The following ITPR1 variants were observed in gnomAD, a reference collection of about 807,000 sequenced individuals.
The protein encoded by ITPR1 is inositol 1,4,5-trisphosphate receptor type 1, also known as inositol 1,4,5-trisphosphate-gated calcium channel ITPR1.
A neutral mutation model predicts 318.4 loss-of-function variants in ITPR1; 96 were observed. That is an observed-to-expected ratio of 0.30 (90% CI 0.26 to 0.36). The LOEUF (loss-of-function observed/expected upper bound fraction) is 0.36, where lower values mean the gene tolerates loss of function less well. Ranked by LOEUF, ITPR1 falls within the 10% of genes least tolerant of loss-of-function variation. The pLI is 1.00. For synonymous variants in ITPR1, 1,312 were observed against 1,289.9 expected (o/e 1.02, Z -0.37); for missense variants, 2,440 against 3,460.2 (o/e 0.71, Z 7.40).
intron 10 of ITPR1, among the ~76,000 whole-genome samples, chr3:4,648,435 A>G (rs1368947012): frequency 1.3e-5 from 2 of 152,222 alleles, no homozygotes; most frequent in East Asian, 3.9e-4. Flanking sequence ...TTTAACATCT[A>G]TAAAAAGGTT....
At chr3:4,738,101 C>T (rs575883320) in intron 44 of ITPR1, among the ~76,000 whole-genome samples, 1 of 152,132 alleles carries the variant, frequency 6.6e-6, no homozygotes, top group Non-Finnish European at 1.5e-5. Context: ...GGAAAAATAA[C>T]TAATGGGTAC....
chr3:4,796,151 C>A (rs1340101694), intron 53 of ITPR1, among the ~76,000 whole-genome samples: 1 of 152,126 alleles, frequency 6.6e-6, no homozygotes, highest in African/African-American at 2.4e-5. Flanking sequence ...GTTTAAGGAC[C>A]AACTTGAAAG....
At chr3:4,632,731 C>T (rs372749187) in intron 5 of ITPR1, among the ~76,000 whole-genome samples, 33 of 152,030 alleles carry the variant, frequency 2.2e-4, no homozygotes, top group African/African-American at 7.5e-4. Context: ...TTCGACACTC[C>T]TTCCTATGAA....
At chr3:4,500,340 T>C (rs1264635322) in intron 2 of ITPR1, among the ~76,000 whole-genome samples, 1 of 150,480 alleles carries the variant, frequency 6.6e-6, no homozygotes, top group Non-Finnish European at 1.5e-5. Flanking sequence ...GCTGGGACTA[T>C]GGGCATTCAC....
At chr3:4,637,041 T>C (rs1317854431) in intron 5 of ITPR1, among the ~76,000 whole-genome samples, 2 of 152,248 alleles carry the variant, frequency 1.3e-5, no homozygotes, top group Non-Finnish European at 2.9e-5. Context: ...GGAATGCTCA[T>C]GAGCAGTTTT....
chr3:4,740,154 T>A (rs568301013), intron 44 of ITPR1, among the ~76,000 whole-genome samples: 43 of 152,272 alleles, frequency 2.8e-4, no homozygotes, highest in African/African-American at 1.0e-3. Context: ...AGAGAATTGT[T>A]GGGGACCACC....
chr3:4,820,330 C>T (rs928066306), intron 60 of ITPR1, among the ~76,000 whole-genome samples: 3 of 152,206 alleles, frequency 2.0e-5, no homozygotes, highest in Non-Finnish European at 4.4e-5. Flanking sequence ...ACTTTGTTCT[C>T]TTGTCTCTGA....
At chr3:4,532,012 G>C (rs1006800863) in intron 4 of ITPR1, among the ~76,000 whole-genome samples, 2 of 152,172 alleles carry the variant, frequency 1.3e-5, no homozygotes, top group Non-Finnish European at 2.9e-5. Flanking sequence ...GTTTTCATGA[G>C]GATTAAATGA....
intron 3 of ITPR1, among the ~76,000 whole-genome samples, chr3:4,518,768 C>A (rs1460074571): frequency 6.6e-6 from 1 of 152,148 alleles, no homozygotes; most frequent in Non-Finnish European, 1.5e-5. Flanking sequence ...GCCTTTTTAG[C>A]TTGTTAAAAA....
At chr3:4,630,784 C>T (rs1167699374) in intron 5 of ITPR1, among the ~76,000 whole-genome samples, 1 of 151,954 alleles carries the variant, frequency 6.6e-6, no homozygotes, top group East Asian at 1.9e-4. Flanking sequence ...GGCAGCATTT[C>T]ACCATGTTGG....
intron 4 of ITPR1, among the ~76,000 whole-genome samples, chr3:4,552,105 A>T (rs1023045146): frequency 6.6e-6 from 1 of 152,240 alleles, no homozygotes; most frequent in Non-Finnish European, 1.5e-5. Flanking sequence ...GGAAAAAAAC[A>T]AACTCAAAGT....
At chr3:4,808,073 GGCCAGT>G (rs1195970092) in intron 55 of ITPR1, among the ~76,000 whole-genome samples, 3 of 152,202 alleles carry the variant, frequency 2.0e-5, no homozygotes, top group Non-Finnish European at 2.9e-5. Context: ...TTGCAATGCA[GGCCAGT>G]GCCAGTGCCT....
intron 44 of ITPR1, chr3:4,750,345 A>T (rs1324337114): frequency 1.3e-5 from 2 of 152,076 alleles, no homozygotes; most frequent in African/African-American, 4.8e-5. Flanking sequence ...TGCTGTTTAA[A>T]CTTCAAGATG....
At chr3:4,814,876 G>C in intron 58 of ITPR1, 177 bp from the exon 59 acceptor site, 2 of 635,096 alleles carry the variant, frequency 3.1e-6, no homozygotes, top group Non-Finnish European at 5.5e-6. Flanking sequence ...ACCACACTTG[G>C]AGAAGTCGCA....
intron 4 of ITPR1, among the ~76,000 whole-genome samples, chr3:4,563,657 G>C (rs2086911794): frequency 6.6e-6 from 1 of 152,194 alleles, no homozygotes; most frequent in Admixed American, 6.5e-5. Flanking sequence ...ACCCTGAGTT[G>C]TGTTGATGTT....
chr3:4,505,070 T>G (rs951900496), intron 2 of ITPR1, among the ~76,000 whole-genome samples: 1 of 152,192 alleles, frequency 6.6e-6, no homozygotes, highest in East Asian at 1.9e-4. Context: ...GGTGCCTTTT[T>G]GTCTTCGTCC....
intron 52 of ITPR1, among the ~76,000 whole-genome samples, chr3:4,793,336 A>G (rs1448567305): frequency 6.6e-6 from 1 of 152,218 alleles, no homozygotes; most frequent in African/African-American, 2.4e-5. Context: ...ACAGACCATC[A>G]CTGAGCTTTG....
chr3:4,839,135 C>T (rs936256415), intron 61 of ITPR1, among the ~76,000 whole-genome samples: 1 of 152,170 alleles, frequency 6.6e-6, no homozygotes, highest in Non-Finnish European at 1.5e-5. Flanking sequence ...CGAGACCAGC[C>T]TGACCAACAT....
chr3:4,607,986 G>A (rs1182712302), intron 4 of ITPR1, among the ~76,000 whole-genome samples: 3 of 152,054 alleles, frequency 2.0e-5, no homozygotes, highest in Non-Finnish European at 4.4e-5. Flanking sequence ...CCTCTCATTA[G>A]CTTTACAAAG....
Sources: allele counts gnomAD v4.1 joint callset (sites outside exome capture counted in the v4.1 genomes callset), GRCh38; gene constraint gnomAD v4.1.1; transcripts MANE v1.5; gene names NCBI Gene and HGNC (gene_info 2026-07-23, HGNC 2026-07-21).